The following KALRN variants were observed in gnomAD, a reference collection of about 807,000 sequenced individuals.
The protein encoded by KALRN is kalirin.
KALRN carries 70 observed loss-of-function variants against 353.7 expected under a neutral mutation model. The ratio of observed to expected loss-of-function variants is 0.20; its 90% CI spans 0.16 to 0.24. The LOEUF (loss-of-function observed/expected upper bound fraction) is 0.24. KALRN is among the 10% of genes least tolerant of loss of function. The pLI is 1.00. For missense variants in KALRN, 2,791 were observed against 3,756.7 expected (o/e 0.74, Z 6.72); for synonymous variants, 1,391 against 1,434.8 (o/e 0.97, Z 0.69).
chr3:124,630,324 C>G (rs1440468487), intron 34 of KALRN, among the ~76,000 whole-genome samples: 1 of 152,168 alleles, frequency 6.6e-6, no homozygotes, highest in Non-Finnish European at 1.5e-5. Flanking sequence ...ATCCCTAACC[C>G]CATATTCAGA....
intron 1 of KALRN, among the ~76,000 whole-genome samples, chr3:124,155,059 T>G (rs1333827205): frequency 6.6e-6 from 1 of 152,196 alleles, no homozygotes; most frequent in African/African-American, 2.4e-5. Context: ...TAGCCATATG[T>G]AGAAAGCTGA....
chr3:124,471,408 C>T (rs1015116802), intron 25 of KALRN, among the ~76,000 whole-genome samples: 1 of 151,884 alleles, frequency 6.6e-6, no homozygotes, highest in Non-Finnish European at 1.5e-5. Context: ...GCCTCAGCCT[C>T]CTGAGTAGCT....
chr3:124,667,953 A>C (rs1463709951), intron 47 of KALRN, among the ~76,000 whole-genome samples: 1 of 152,122 alleles, frequency 6.6e-6, no homozygotes, highest in Non-Finnish European at 1.5e-5. Flanking sequence ...AGTCTAACCA[A>C]GCAGAAATAG....
Position 124,334,938 on chromosome 3 carries a change from G to A in KALRN, c.1647+443G>A, listed in dbSNP as rs1028735366. On this transcript the variant is annotated intron_variant, in intron 9 of 59. Coordinates refer to ENST00000682506, the MANE Select transcript of KALRN (RefSeq NM_001388419.1). This position sits in a 1 kb window ranked among gnomAD's most constrained non-coding sequence, Gnocchi z 4.2. Reference sequence around the variant, plus strand: ...GCCTCCCAAGTAGCTGGGATTAACCGCATGTGCCATCACACCCAGCTAATT... The same window carrying A: ...GCCTCCCAAGTAGCTGGGATTAACCACATGTGCCATCACACCCAGCTAATT... Among the ~76,000 whole-genome samples, 37 of 152,166 alleles carry A rather than the reference G, an allele frequency of 2.4e-4. No homozygotes were observed. Among genetic ancestry groups the A allele is most frequent in the African/African-American group, 8.7e-4 (36 of 41,438 alleles).
At chr3:124,428,539 C>T (rs1416955573) in intron 15 of KALRN, among the ~76,000 whole-genome samples, 1 of 152,164 alleles carries the variant, frequency 6.6e-6, no homozygotes, top group African/African-American at 2.4e-5. Context: ...TATGTTATTT[C>T]TCTACTATGC....
chr3:124,552,851 C>T (rs1263051386), intron 33 of KALRN, among the ~76,000 whole-genome samples: 1 of 152,128 alleles, frequency 6.6e-6, no homozygotes, highest in Non-Finnish European at 1.5e-5. Context: ...CTGCAACCTC[C>T]GCCTCCCAGG....
intron 19 of KALRN, among the ~76,000 whole-genome samples, chr3:124,444,915 G>A (rs531735411): frequency 4.6e-5 from 7 of 152,308 alleles, no homozygotes; most frequent in African/African-American, 1.7e-4. Flanking sequence ...CTTGGCTGGG[G>A]AGGTGAGAAT....
intron 8 of KALRN, among the ~76,000 whole-genome samples, chr3:124,332,807 G>T (rs1209246616): frequency 6.6e-6 from 1 of 152,126 alleles, no homozygotes; most frequent in African/African-American, 2.4e-5. Context: ...GAAAGAAAGG[G>T]CTCGTATAGA....
rs1278211109 is a variant in KALRN at position 124,064,592 on chromosome 3, C to G, written c.73+30779C>G. Among the ~76,000 whole-genome samples the G allele has an allele frequency of 4.6e-5, 7 of 152,290 alleles. 1 individual carries two copies. The highest frequency in any genetic ancestry group is 4.6e-4 in the Admixed American group (7 of 15,308). On this transcript the variant is annotated intron_variant, in intron 1 of 59. Coordinates refer to ENST00000682506, the MANE Select transcript of KALRN (RefSeq NM_001388419.1). ...TGCTGACCTCCCACCGCACACACTG[C>G]CCACCTAGGGTTGAGGAGGAAATCT...
At chr3:124,313,924 G>A (rs1018888352) in intron 6 of KALRN, among the ~76,000 whole-genome samples, 1 of 152,298 alleles carries the variant, frequency 6.6e-6, no homozygotes, top group Non-Finnish European at 1.5e-5. Flanking sequence ...CTGAGTCATA[G>A]GATGGCTGGG....
rs184916907 is a variant in KALRN at position 124,387,210 on chromosome 3, G to A, written c.1962+2174G>A. ...GGAAGTTATTGACTATTGTTTTCCC[G>A]GATATCTCTCAAATCTTGCTAAGCT... On this transcript the variant is annotated intron_variant, in intron 11 of 59. Transcript: ENST00000682506. Among the ~76,000 whole-genome samples, 537 of 152,252 alleles carry A rather than the reference G, an allele frequency of 3.5e-3. 3 individuals carry two copies. The highest frequency in any genetic ancestry group is 6.4e-3 in the Non-Finnish European group (433 of 68,000).
At chr3:124,458,919 G>A (rs2059592083) in intron 23 of KALRN, among the ~76,000 whole-genome samples, 1 of 152,186 alleles carries the variant, frequency 6.6e-6, no homozygotes, top group South Asian at 2.1e-4. Context: ...GGGCAACAGA[G>A]CAAGAATCCA....
chr3:124,283,105 GGAGCTTTGTTCCCAGATGTGCAAGT>G (rs1253460213), intron 5 of KALRN, among the ~76,000 whole-genome samples: 1 of 152,234 alleles, frequency 6.6e-6, no homozygotes, highest in Non-Finnish European at 1.5e-5. Context: ...AGCCTCATGT[GGAGCTTTGTTCCCAGATGTGCAAGT>G]GATTGGCACA....
intron 5 of KALRN, among the ~76,000 whole-genome samples, chr3:124,270,138 G>A (rs2073980280): frequency 1.3e-5 from 2 of 152,184 alleles, no homozygotes; most frequent in African/African-American, 4.8e-5. Context: ...ACTATTATAT[G>A]TGCTTTAAGA....
intron 34 of KALRN, among the ~76,000 whole-genome samples, chr3:124,610,637 G>GT (rs201630418): frequency 4.3e-5 from 5 of 117,190 alleles, no homozygotes; most frequent in African/African-American, 1.2e-4. Context: ...CTAACCCTGG[G>GT]GGGGGCGGCT....
At chr3:124,091,595 T>A (rs1030085833) in intron 1 of KALRN, among the ~76,000 whole-genome samples, 2 of 152,134 alleles carry the variant, frequency 1.3e-5, no homozygotes, top group African/African-American at 4.8e-5. Flanking sequence ...AAGGAACACA[T>A]CCATGTTGTG....
chr3:124,593,951 T>G (rs2076040792), intron 34 of KALRN, among the ~76,000 whole-genome samples: 2 of 152,030 alleles, frequency 1.3e-5, no homozygotes, highest in African/African-American at 4.8e-5. Flanking sequence ...CCTCAGCCCT[T>G]CAAAGTGTTG....
intron 3 of KALRN, among the ~76,000 whole-genome samples, chr3:124,239,253 CAGTGTGGATA>C (rs1326603276): frequency 6.6e-6 from 1 of 152,210 alleles, no homozygotes; most frequent in African/African-American, 2.4e-5. Flanking sequence ...GCCTAGCCCA[CAGTGTGGATA>C]ATCTACCCAC....
rs111935698 is a variant in KALRN, at chr3:124,217,259, A to G, written c.74-10731A>G. 2.1e-3 allele frequency among the ~76,000 whole-genome samples: 322 copies of G among 152,346 alleles called. 1 individual carries two copies. Among genetic ancestry groups the G allele is most frequent in the African/African-American group, 7.4e-3 (308 of 41,578 alleles). ...TTTGCCTGACACATATAGGTGCTCA[A>G]TAAATATTTACTGAATTGAATTGTA... On this transcript the variant is annotated intron_variant, in intron 1 of 59. Coordinates refer to ENST00000682506, the MANE Select transcript of KALRN (RefSeq NM_001388419.1).
Sources: allele counts gnomAD v4.1 joint callset (sites outside exome capture counted in the v4.1 genomes callset), GRCh38; gene constraint gnomAD v4.1.1; non-coding constraint Gnocchi (gnomAD v3.1); transcripts MANE v1.5; gene names NCBI Gene and HGNC (gene_info 2026-07-23, HGNC 2026-07-21).